The following CEP170B variants were observed in gnomAD, a reference collection of about 807,000 sequenced individuals.
CEP170B encodes centrosomal protein of 170 kDa protein B.
Under a neutral mutation model 120.6 loss-of-function variants are expected in CEP170B, and 55 were observed. The observed-to-expected ratio is 0.46, with a 90% confidence interval of 0.37 to 0.57. The LOEUF (loss-of-function observed/expected upper bound fraction) is 0.57, where lower values mean the gene tolerates loss of function less well. Ranked by LOEUF, CEP170B falls within the 20% of genes least tolerant of loss-of-function variation. The pLI, the probability that CEP170B is intolerant of heterozygous loss-of-function variation, is 0.00. For missense variants in CEP170B, 2,212 were observed against 2,253.3 expected, an observed-to-expected ratio of 0.98 and a Z score of 0.37; for synonymous variants, 1,033 against 954.5, an observed-to-expected ratio of 1.08 and a Z score of -1.52.
chr14:104,883,646 C>T, intron 8 of CEP170B, 138 bp downstream of exon 8: 3 of 1,115,686 alleles, frequency 2.7e-6, no homozygotes, highest in Non-Finnish European at 2.5e-6. Flanking sequence ...GCCTAAGAGC[C>T]ACCTGCCTGG....
At chr14:104,876,385 G>C (rs574595859) in intron 3 of CEP170B, 40 bp downstream of exon 3, 1 of 1,536,718 alleles carries the variant, frequency 6.5e-7, no homozygotes, top group African/African-American at 1.4e-5. Flanking sequence ...TTAACAGCTC[G>C]ACCCTTCAGC....
chr14:104,873,737 C>T (rs1043835678), intron 2 of CEP170B, among the ~76,000 whole-genome samples: 4 of 152,082 alleles, frequency 2.6e-5, no homozygotes, highest in South Asian at 2.1e-4. Flanking sequence ...CCAAGTCACC[C>T]GCCCTCAGCC....
At position 104,886,061 on chromosome 14, in the gene CEP170B, C is replaced by T; in HGVS notation, c.1966C>T (p.Pro656Ser). 2 of 1,544,644 alleles carry T rather than the reference C, an allele frequency of 1.3e-6. No homozygotes were observed. Among genetic ancestry groups the T allele is most frequent in the South Asian group, 1.2e-5 (1 of 83,796 alleles). Residue 656 changes from proline (P) to serine (S), a missense_variant, in exon 11 of 19, where the codon CCT (proline) becomes TCT (serine). Transcript: ENST00000414716. ...EHQGLPVPGS[P>S]GGQKWVSRWA... ...ACAGGGCCTCCCGGTGCCGGGCTCCCCTGGGGGTCAGAAGTGGGTGTCCCG... is the reference window on the plus strand; with the variant it reads ...ACAGGGCCTCCCGGTGCCGGGCTCCTCTGGGGGTCAGAAGTGGGTGTCCCG...
Position 104,884,427 on chromosome 14 carries a change from C to G in CEP170B, c.1648C>G (p.Pro550Ala). 2 of 1,550,072 alleles carry G rather than the reference C, an allele frequency of 1.3e-6. No individual in the cohort carries two copies. Among genetic ancestry groups the G allele is most frequent in the African/African-American group, 2.7e-5 (2 of 73,122 alleles). Residue 550 changes from proline (P) to alanine (A), a missense_variant, in exon 9 of 19, where the codon CCC becomes GCC. Pro to Ala is a conservative substitution (Grantham distance 27). Transcript: ENST00000414716. ...GACCCCACCGCCCGCCCCCACGGAC[C>G]CCCAGCTGACCAAGGCACGGAAACA... is the stretch of plus-strand genomic sequence containing the variant. ...PPTPPPAPTD[P>A]QLTKARKQEE...
intron 13 of CEP170B, among the ~76,000 whole-genome samples, chr14:104,890,239 A>G (rs1246125892): frequency 1.1e-3 from 18 of 16,722 alleles, no homozygotes; most frequent in Admixed American, 2.2e-3. Context: ...GATGAATAGG[A>G]GGGTGGGTGG....
intron 9 of CEP170B, among the ~76,000 whole-genome samples, chr14:104,885,041 G>A (rs1470578785): frequency 3.4e-5 from 5 of 146,560 alleles, no homozygotes; most frequent in Non-Finnish European, 6.1e-5. Context: ...GAGAGTACTC[G>A]TGGGGAACGG....
In CEP170B at chr14:104,895,016, C is replaced by T. The variant is rs1897016989; in HGVS notation, c.*58C>T. 1 of 1,452,500 alleles carries T rather than the reference C, an allele frequency of 6.9e-7. No individual in the cohort carries two copies. The highest frequency in any genetic ancestry group is 2.5e-5 in the Admixed American group (1 of 39,862). 90.0% of individuals were successfully genotyped at this position (1,452,500 alleles called of 1,614,324 possible). On this transcript the variant is annotated 3_prime_UTR_variant, in exon 19 of 19. Transcript: ENST00000414716. ...CGTGTGCGTCTCTGCCTTCCGTCCG[C>T]CGCACACCCGCCTGCCTGGCCGCAG... is the stretch of plus-strand genomic sequence containing the variant.
chr14:104,895,312 T>G lies in CEP170B; in HGVS notation c.*354T>G. 3 of 223,668 alleles carry G rather than the reference T, an allele frequency of 1.3e-5. No individual in the cohort carries two copies. Among genetic ancestry groups the G allele is most frequent in the East Asian group, 9.8e-5 (1 of 10,242 alleles). 13.9% of individuals were successfully genotyped at this position (223,668 alleles called of 1,614,324 possible). The stretch of plus-strand genomic sequence containing the variant: ...TTAAAGGAAAGAGTTGTTGGTGCCA[T>G]TGCAGGTGCCCCCTCCAGGCCTGAC... On this transcript the variant is annotated 3_prime_UTR_variant, in exon 19 of 19. Transcript: ENST00000414716.
In CEP170B at chr14:104,884,264, C is replaced by T. The variant is rs1401023977; in HGVS notation, c.1485C>T (p.Arg495=). 2.3e-5 allele frequency: 36 copies of T among 1,543,568 alleles called. No homozygotes were observed. The highest frequency in any genetic ancestry group is 3.1e-5 in the Non-Finnish European group (36 of 1,145,856). The change falls in exon 9 of 19, where the codon CGC becomes CGT. Residue 495 remains arginine, a synonymous_variant. Coordinates refer to ENST00000414716, the MANE Select transcript of CEP170B (RefSeq NM_001112726.3). The part of the protein sequence containing the change: ...TPARPFGSVG[R]RSRLAQDFMA... ...CCCGCCCCTTCGGAAGCGTGGGGCG[C>T]CGCTCCCGCCTGGCCCAGGACTTCA...
At chr14:104,864,588 C>A (rs1281543456), upstream of CEP170B, among the ~76,000 whole-genome samples, 2 of 151,956 alleles carry the variant, frequency 1.3e-5, no homozygotes, top group African/African-American at 4.8e-5. This position sits in a 1 kb window ranked among gnomAD's most constrained non-coding sequence, Gnocchi z 5.9. Context: ...TAGTTCCCAA[C>A]CCCACCCCCA....
In CEP170B at chr14:104,885,621, GC is replaced by G. The variant is rs1289042160; in HGVS notation, c.1944+85del. The G allele has an allele frequency of 6.1e-6, 9 of 1,484,430 alleles. No homozygotes were observed. In the East Asian group the frequency reaches 1.8e-4, roughly 29 times the overall value. The allele number at this position is 1,484,430 out of a possible 1,614,324, so 92.0% of individuals were successfully genotyped here. ...TCCAAGCCGGACCTGGGGTCAGCGG[GC>G]CCCCCATGGGGCGAGACTGGACTTT... On this transcript the variant is annotated intron_variant, in intron 10 of 18. Transcript: ENST00000414716.
Position 104,886,379 on chromosome 14 carries a change from G to A in CEP170B, c.2140G>A (p.Gly714Ser), listed in dbSNP as rs371732558. 1.4e-4 allele frequency: 219 copies of A among 1,581,848 alleles called. No homozygotes were observed. Among genetic ancestry groups the A allele is most frequent in the Non-Finnish European group, 1.8e-4 (212 of 1,165,760 alleles). ...LPSERADSPA[G>S]PESSRRSGPG... ...CAGTGAGAGGGCTGACAGCCCTGCG[G>A]GCCCAGAGAGCAGCAGGAGGAGTGG... Residue 714 changes from glycine (G) to serine (S), a missense_variant, in exon 12 of 19, where the codon GGC becomes AGC. By Grantham distance (56) the Gly-to-Ser change is moderately conservative. Coordinates refer to ENST00000414716, the MANE Select transcript of CEP170B (RefSeq NM_001112726.3).
At chr14:104,888,170 G>A (rs947352305) in intron 12 of CEP170B, among the ~76,000 whole-genome samples, 192 bp downstream of exon 12, 1 of 152,222 alleles carries the variant, frequency 6.6e-6, no homozygotes, top group African/African-American at 2.4e-5. Context: ...CCGAGGGCAG[G>A]GCCCGCAGTC....
intron 9 of CEP170B, 116 bp from the exon 10 acceptor site, chr14:104,885,253 A>G (rs1251671065): frequency 4.1e-6 from 5 of 1,224,040 alleles, no homozygotes; most frequent in Non-Finnish European, 5.5e-6. Context: ...GCCACCAGCC[A>G]CTCTGGCCAA....
At chr14:104,872,318 C>CCCTGGGTGTG (rs1895567424) in intron 2 of CEP170B, among the ~76,000 whole-genome samples, 1 of 57,800 alleles carries the variant, frequency 1.7e-5, no homozygotes, top group Non-Finnish European at 3.4e-5. Context: ...TGCGTGTGTG[C>CCCTGGGTGTG]CGTGGGTGTG....
chr14:104,889,903 CAAATGGAT>C (rs1213933153), intron 13 of CEP170B, 145 bp downstream of exon 13: 1 of 579,968 alleles, frequency 1.7e-6, no homozygotes, highest in Non-Finnish European at 2.8e-6. Flanking sequence ...GATGGATGGA[CAAATGGAT>C]GGATGGATGG....
chr14:104,880,964 C>T (rs1423228441), intron 6 of CEP170B, among the ~76,000 whole-genome samples: 1 of 152,250 alleles, frequency 6.6e-6, no homozygotes, highest in Non-Finnish European at 1.5e-5. Context: ...TGCACGCCTG[C>T]ACCCCTTGAG....
chr14:104,894,009 A>G (rs1252810137), intron 16 of CEP170B, 160 bp downstream of exon 16: 1 of 749,828 alleles, frequency 1.3e-6, no homozygotes, highest in African/African-American at 1.7e-5. Context: ...GGCTCCCAGC[A>G]GGCAGACCCT....
At chr14:104,879,835 C>T (rs1896052854) in intron 5 of CEP170B, among the ~76,000 whole-genome samples, 1 of 152,174 alleles carries the variant, frequency 6.6e-6, no homozygotes, top group Admixed American at 6.5e-5. Flanking sequence ...AGTTGTGGAG[C>T]ACAGATTCAG....
Sources: gnomAD v4.1 joint callset for allele counts (sites outside exome capture counted in the v4.1 genomes callset) on GRCh38, gnomAD v4.1.1 for gene constraint, Gnocchi (gnomAD v3.1) non-coding constraint, MANE v1.5 for transcripts, NCBI Gene and HGNC (gene_info 2026-07-23, HGNC 2026-07-21) for gene names.